Variants in SLC2A13 observed in about 807,000 individuals in gnomAD.
The protein encoded by SLC2A13 is proton myo-inositol cotransporter.
In SLC2A13, 32 loss-of-function variants were observed where a neutral mutation model predicts 64.4. The observed-to-expected ratio is 0.50, with a 90% CI of 0.37 to 0.67. SLC2A13 has a LOEUF of 0.67. SLC2A13 is among the 30% of genes least tolerant of loss of function. SLC2A13 has a pLI of 0.00. For synonymous variants in SLC2A13, 338 were observed against 327.1 expected, an observed-to-expected ratio of 1.03 and a Z score of -0.36; for missense variants, 743 against 829.2, an observed-to-expected ratio of 0.90 and a Z score of 1.28.
chr12:39,895,181 A>G (rs185026337), intron 4 of SLC2A13, among the ~76,000 whole-genome samples: 1 of 152,202 alleles, frequency 6.6e-6, no homozygotes, highest in African/African-American at 2.4e-5. Flanking sequence ...AACCCTGAGT[A>G]ACAAGTAGTG....
intron 3 of SLC2A13, among the ~76,000 whole-genome samples, chr12:40,001,033 G>C (rs1311287595): frequency 6.6e-6 from 1 of 152,150 alleles, no homozygotes; most frequent in Non-Finnish European, 1.5e-5. Flanking sequence ...GAGAGGGCAT[G>C]GACACTCAGG....
chr12:39,828,143 G>A (rs1016321251), intron 7 of SLC2A13, among the ~76,000 whole-genome samples: 6 of 152,070 alleles, frequency 3.9e-5, no homozygotes, highest in Admixed American at 2.0e-4. Context: ...TTTTCATGGT[G>A]AACACATCCT....
At chr12:39,897,730 T>A (rs1331885416) in intron 4 of SLC2A13, among the ~76,000 whole-genome samples, 2 of 152,180 alleles carry the variant, frequency 1.3e-5, no homozygotes, top group African/African-American at 4.8e-5. Context: ...ATCTTCACTG[T>A]AGAGAAACTT....
intron 3 of SLC2A13, among the ~76,000 whole-genome samples, chr12:40,022,817 G>T (rs1344173909): frequency 6.7e-6 from 1 of 150,072 alleles, no homozygotes; most frequent in Admixed American, 6.6e-5. Context: ...CAGCCTGCAT[G>T]ACAGTACAAG....
intron 4 of SLC2A13, among the ~76,000 whole-genome samples, chr12:39,911,885 G>A (rs1945438521): frequency 6.6e-6 from 1 of 152,070 alleles, no homozygotes; most frequent in Admixed American, 6.6e-5. Flanking sequence ...ACATTGCCAG[G>A]ATGCTTTCAG....
rs1313335492 is a variant in SLC2A13, at chr12:39,758,316, G to C, written c.*1710C>G. 1 of 151,842 alleles carries C rather than the reference G, an allele frequency of 6.6e-6. No individual in the cohort carries two copies. Among genetic ancestry groups the C allele is most frequent in the African/African-American group, 2.4e-5 (1 of 41,386 alleles). The allele number at this position is 151,842 out of a possible 1,614,324, so 9.4% of individuals were successfully genotyped here. ...ACTTAGAGAATGAACTTCCTCAGCT[G>C]TATTCTCAGCTTGATAACTGTGATA... On this transcript the variant is annotated 3_prime_UTR_variant, in exon 10 of 10. Coordinates refer to ENST00000280871, the MANE Select transcript of SLC2A13 (RefSeq NM_052885.4).
chr12:39,776,026 A>C (rs1196602449), intron 7 of SLC2A13, among the ~76,000 whole-genome samples: 1 of 152,204 alleles, frequency 6.6e-6, no homozygotes, highest in Non-Finnish European at 1.5e-5. Flanking sequence ...TGTAGTTGTG[A>C]CAGTATTAAT....
At chr12:39,971,024 T>G (rs888329816) in intron 3 of SLC2A13, among the ~76,000 whole-genome samples, 2 of 152,200 alleles carry the variant, frequency 1.3e-5, no homozygotes, top group African/African-American at 4.8e-5. Flanking sequence ...TTACGGTCAC[T>G]AATATATATT....
chr12:39,966,448 G>A (rs766650318), intron 3 of SLC2A13, among the ~76,000 whole-genome samples: 37 of 151,972 alleles, frequency 2.4e-4, no homozygotes, highest in Non-Finnish European at 4.1e-4. Flanking sequence ...TAAATGTTCT[G>A]GAAAACTGGC....
chr12:39,974,216 G>T (rs1352304102), intron 3 of SLC2A13, among the ~76,000 whole-genome samples: 1 of 152,156 alleles, frequency 6.6e-6, no homozygotes, highest in Middle Eastern at 3.2e-3. Context: ...GCAGATCCCA[G>T]AACTGATAAC....
At chr12:39,936,443 A>C (rs1336406444) in intron 4 of SLC2A13, among the ~76,000 whole-genome samples, 1 of 152,186 alleles carries the variant, frequency 6.6e-6, no homozygotes, top group Non-Finnish European at 1.5e-5. Context: ...CCTTGGGCAC[A>C]CAGAAGCTGA....
At chr12:40,000,379 T>C (rs569707988) in intron 3 of SLC2A13, among the ~76,000 whole-genome samples, 2 of 152,318 alleles carry the variant, frequency 1.3e-5, no homozygotes, top group South Asian at 4.1e-4. Context: ...TACCCTCTAC[T>C]AAATTTAAAC....
intron 1 of SLC2A13, among the ~76,000 whole-genome samples, chr12:40,062,664 G>A (rs1292952865): frequency 6.6e-6 from 1 of 152,024 alleles, no homozygotes; most frequent in African/African-American, 2.4e-5. Flanking sequence ...GAGTTTCCAT[G>A]TTTAAAAGAA....
chr12:40,020,586 T>A (rs1316572440), intron 3 of SLC2A13, among the ~76,000 whole-genome samples: 6 of 152,178 alleles, frequency 3.9e-5, no homozygotes, highest in Non-Finnish European at 8.8e-5. Flanking sequence ...ACATGGCCAT[T>A]GATATTCTGA....
chr12:40,087,478 T>C (rs1255727550), intron 1 of SLC2A13, among the ~76,000 whole-genome samples: 2 of 152,212 alleles, frequency 1.3e-5, no homozygotes, highest in Non-Finnish European at 2.9e-5. Flanking sequence ...CCTGTGGCTT[T>C]CAAATAACCT....
chr12:39,955,673 G>A (rs1269376493), intron 3 of SLC2A13, among the ~76,000 whole-genome samples: 1 of 152,078 alleles, frequency 6.6e-6, no homozygotes. Flanking sequence ...TAAAAATTTT[G>A]CGATCGGAAG....
intron 4 of SLC2A13, among the ~76,000 whole-genome samples, chr12:39,929,579 T>C (rs1945788496): frequency 1.3e-5 from 2 of 149,144 alleles, no homozygotes; most frequent in African/African-American, 4.9e-5. Context: ...ACATGTAATA[T>C]AGGAAACAGA....
At chr12:39,944,917 G>GT (rs1211477795) in intron 4 of SLC2A13, among the ~76,000 whole-genome samples, 5 of 152,048 alleles carry the variant, frequency 3.3e-5, no homozygotes, top group East Asian at 1.9e-4. Context: ...TTTGTTTTCT[G>GT]TTTTTTCTTT....
chr12:40,096,936 C>A (rs1938964235), intron 1 of SLC2A13, among the ~76,000 whole-genome samples: 1 of 152,076 alleles, frequency 6.6e-6, no homozygotes, highest in Non-Finnish European at 1.5e-5. Flanking sequence ...CTTTCACAAT[C>A]AAAAACTGGA....
Sources: gnomAD v4.1 joint callset for allele counts (sites outside exome capture counted in the v4.1 genomes callset) on GRCh38, gnomAD v4.1.1 for gene constraint, MANE v1.5 for transcripts, NCBI Gene and HGNC (gene_info 2026-07-23, HGNC 2026-07-21) for gene names.